ARFGEF1: variants seen among roughly 807,000 people sequenced by gnomAD.
ARFGEF1 encodes the protein ARF guanine nucleotide exchange factor 1.
Under a neutral mutation model 231.0 loss-of-function variants are expected in ARFGEF1, and 42 were observed. That is an observed-to-expected ratio of 0.18 (90% confidence interval 0.14 to 0.24). ARFGEF1 has a LOEUF of 0.24. ARFGEF1 is among the 10% of genes least tolerant of loss of function. The pLI, the probability that ARFGEF1 is intolerant of heterozygous loss-of-function variation, is 1.00. For synonymous variants in ARFGEF1, 710 were observed against 732.3 expected, an observed-to-expected ratio of 0.97 and a Z score of 0.49; for missense variants, 1,345 against 2,192.0, an observed-to-expected ratio of 0.61 and a Z score of 7.72.
chr8:67,227,943 C>G lies in ARFGEF1; in HGVS notation c.3591+20G>C, dbSNP rs564637793. 6.6e-7 allele frequency: 1 copy of G among 1,526,418 alleles called. No homozygotes were observed. The highest frequency in any genetic ancestry group is 1.3e-5 in the South Asian group (1 of 75,888). The allele number at this position is 1,526,418 out of a possible 1,614,324, so 94.6% of individuals were successfully genotyped here. On this transcript the variant is annotated intron_variant, in intron 25 of 38. Transcript: ENST00000262215. ...AAAATATACTACAAATGTAAACAAA[C>G]ACCATAGTTATTCAAATACCTTATT...
chr8:67,303,715 T>C (rs987412305), intron 1 of ARFGEF1, among the ~76,000 whole-genome samples: 1 of 142,860 alleles, frequency 7.0e-6, no homozygotes, highest in Non-Finnish European at 1.5e-5. Context: ...CTCCATCTCT[T>C]AAAAAAAAAA....
chr8:67,250,833 C>A (rs891176693), intron 19 of ARFGEF1, among the ~76,000 whole-genome samples: 1 of 152,216 alleles, frequency 6.6e-6, no homozygotes, highest in East Asian at 1.9e-4. Context: ...ATCATTCTCA[C>A]TAAATCAACC....
At chr8:67,187,410 T>C (rs1011043323) in intron 5 of ARFGEF1, among the ~76,000 whole-genome samples, 37 of 152,196 alleles carry the variant, frequency 2.4e-4, no homozygotes, top group African/African-American at 8.9e-4. Context: ...AATAGACTCA[T>C]GCAGCCTGGG....
At chr8:67,330,118 A>G (rs1808030913) in intron 1 of ARFGEF1, among the ~76,000 whole-genome samples, 1 of 152,170 alleles carries the variant, frequency 6.6e-6, no homozygotes, top group Non-Finnish European at 1.5e-5. Context: ...AAAAAGAACT[A>G]TAATAGTGAC....
At chr8:67,261,104 A>AC (rs764597197) in intron 14 of ARFGEF1, among the ~76,000 whole-genome samples, 2 of 152,152 alleles carry the variant, frequency 1.3e-5, no homozygotes, top group African/African-American at 2.4e-5. Flanking sequence ...CCAACATAAA[A>AC]GTGCAAGGTC....
downstream of ARFGEF1, chr8:67,196,120 G>C (rs563804640): frequency 6.5e-6 from 1 of 152,678 alleles, no homozygotes; most frequent in Non-Finnish European, 1.5e-5. Context: ...GTAATTACTT[G>C]TATTTTTGTA....
intron 19 of ARFGEF1, among the ~76,000 whole-genome samples, chr8:67,240,883 C>G (rs1324719596): frequency 6.6e-6 from 1 of 152,138 alleles, no homozygotes; most frequent in Non-Finnish European, 1.5e-5. Flanking sequence ...TGAAATTTTA[C>G]TATCAAAACT....
At chr8:67,295,318 T>C (rs1806184696) in intron 5 of ARFGEF1, among the ~76,000 whole-genome samples, 1 of 152,150 alleles carries the variant, frequency 6.6e-6, no homozygotes, top group African/African-American at 2.4e-5. Context: ...TATTTATTAA[T>C]TGCAAAAGAA....
chr8:67,259,784 G>T lies in ARFGEF1; in HGVS notation c.2235+31C>A, dbSNP rs180835986. On this transcript the variant is annotated intron_variant, in intron 15 of 38. Transcript: ENST00000262215. ...AAAAAAAAATCCCAAGAATTTTACA[G>T]AAAAGGTTAGAATGAAAATGGTATT... is the stretch of plus-strand genomic sequence containing the variant. The T allele has an allele frequency of 5.6e-4, 825 of 1,473,912 alleles. 3 individuals carry two copies. Among genetic ancestry groups the T allele is most frequent in the Middle Eastern group, 5.3e-3 (30 of 5,658 alleles). The allele number at this position is 1,473,912 out of a possible 1,614,324, so 91.3% of individuals were successfully genotyped here.
intron 1 of ARFGEF1, among the ~76,000 whole-genome samples, chr8:67,317,602 TAATA>T (rs1807378890): frequency 7.5e-6 from 1 of 132,846 alleles, no homozygotes; most frequent in Non-Finnish European, 1.6e-5. Flanking sequence ...GACACAGAAC[TAATA>T]TTTAAAAAAA....
In ARFGEF1 at chr8:67,181,361, T is replaced by A. The variant is rs956376839; in HGVS notation, c.561-5789A>T. Among the ~76,000 whole-genome samples, 23 of 141,318 alleles carry A rather than the reference T, an allele frequency of 1.6e-4. No individual in the cohort carries two copies. The South Asian group carries it at 4.2e-3, about 26-fold the overall frequency. The allele number at this position is 141,318 out of a possible 152,430, so 92.7% of individuals were successfully genotyped here. ...CCATTTTTTTTTTTTTTTTTTTTTT[T>A]AATGAATTTTTCCTTTCCAAGGAAG... On this transcript the variant is annotated intron_variant, in intron 5 of 5. Transcript: ENST00000518789.
intron 1 of ARFGEF1, among the ~76,000 whole-genome samples, chr8:67,313,953 G>A (rs1372225540): frequency 1.3e-5 from 2 of 152,112 alleles, no homozygotes; most frequent in Non-Finnish European, 2.9e-5. Flanking sequence ...GCTGCTGTGG[G>A]GGACAGGAGT....
At chr8:67,335,249 G>A (rs1808290642) in intron 1 of ARFGEF1, among the ~76,000 whole-genome samples, 1 of 151,442 alleles carries the variant, frequency 6.6e-6, no homozygotes, top group South Asian at 2.1e-4. Context: ...AGGACTACAG[G>A]CGCCCGCCAC....
chr8:67,275,731 CT>C, intron 9 of ARFGEF1, among the ~76,000 whole-genome samples: 1 of 152,172 alleles, frequency 6.6e-6, no homozygotes, highest in Middle Eastern at 3.4e-3. Flanking sequence ...AATGCTGAAA[CT>C]TTTTGTTTTT....
intron 5 of ARFGEF1, among the ~76,000 whole-genome samples, chr8:67,191,399 G>C (rs772022298): frequency 5.3e-5 from 8 of 152,222 alleles, no homozygotes; most frequent in Non-Finnish European, 7.3e-5. Flanking sequence ...AACAGATGTT[G>C]CTATTAGCGT....
chr8:67,302,153 C>A (rs1806520526), intron 2 of ARFGEF1, among the ~76,000 whole-genome samples: 1 of 151,966 alleles, frequency 6.6e-6, no homozygotes, highest in Admixed American at 6.6e-5. Flanking sequence ...GAGCTGTGAT[C>A]ACACCACCGC....
At chr8:67,179,175 T>C (rs1355106559) in intron 5 of ARFGEF1, among the ~76,000 whole-genome samples, 1 of 152,202 alleles carries the variant, frequency 6.6e-6, no homozygotes, top group East Asian at 1.9e-4. Context: ...TATTCTGTAC[T>C]GCAAAATTCT....
chr8:67,333,112 T>C (rs1273473283), intron 1 of ARFGEF1, among the ~76,000 whole-genome samples: 1 of 151,428 alleles, frequency 6.6e-6, no homozygotes, highest in African/African-American at 2.4e-5. Flanking sequence ...CTCAGCTTAC[T>C]GCAACCTCCA....
At chr8:67,316,758 C>A (rs1426185534) in intron 1 of ARFGEF1, among the ~76,000 whole-genome samples, 1 of 152,202 alleles carries the variant, frequency 6.6e-6, no homozygotes, top group Non-Finnish European at 1.5e-5. Flanking sequence ...CCATCCTCAG[C>A]CTGAACTGTT....
Sources: gnomAD v4.1 joint callset for allele counts (sites outside exome capture counted in the v4.1 genomes callset) on GRCh38, gnomAD v4.1.1 for gene constraint, MANE v1.5 for transcripts, NCBI Gene and HGNC (gene_info 2026-07-23, HGNC 2026-07-21) for gene names.